Variants in CSMD1 observed in about 807,000 individuals in gnomAD.
CSMD1 encodes the protein CUB and Sushi multiple domains 1, also known as CUB and sushi domain-containing protein 1.
Under a neutral mutation model 417.5 loss-of-function variants are expected in CSMD1, and 213 were observed. The ratio of observed to expected loss-of-function variants is 0.51; its 90% confidence interval spans 0.46 to 0.57. The LOEUF (loss-of-function observed/expected upper bound fraction) is 0.57, where lower values mean the gene tolerates loss of function less well. CSMD1 is among the 20% of genes least tolerant of loss of function. CSMD1 has a pLI of 0.00. For missense variants in CSMD1, 6,923 were observed against 4,529.7 expected (o/e 1.53, Z -15.17); for synonymous variants, 2,862 against 1,736.8 (o/e 1.65, Z -16.11).
chr8:4,148,316 A>T (rs1796384896), intron 3 of CSMD1, among the ~76,000 whole-genome samples: 1 of 141,026 alleles, frequency 7.1e-6, no homozygotes, highest in African/African-American at 2.6e-5. Flanking sequence ...GGAATTGAAC[A>T]ATGAGAACAC....
chr8:3,240,842 C>T (rs1343890750), intron 26 of CSMD1, among the ~76,000 whole-genome samples: 3 of 152,036 alleles, frequency 2.0e-5, no homozygotes, highest in Non-Finnish European at 4.4e-5. Context: ...TTGTCTGGTT[C>T]TAGAACAGGT....
chr8:3,321,489 G>C (rs1379761361), intron 23 of CSMD1, among the ~76,000 whole-genome samples: 3 of 152,096 alleles, frequency 2.0e-5, no homozygotes, highest in Non-Finnish European at 4.4e-5. Flanking sequence ...AATGACAGGT[G>C]CTCTGCGTGT....
chr8:4,927,639 CTACATTGGTA>C, intron 1 of CSMD1, among the ~76,000 whole-genome samples: 1 of 152,272 alleles, frequency 6.6e-6, no homozygotes, highest in African/African-American at 2.4e-5. Flanking sequence ...GGCAGGGCAT[CTACATTGGTA>C]TAATTACTCA....
At chr8:3,728,169 G>T (rs1802607316) in intron 6 of CSMD1, among the ~76,000 whole-genome samples, 1 of 152,132 alleles carries the variant, frequency 6.6e-6, no homozygotes, top group South Asian at 2.1e-4. Context: ...GGGTGCTGTT[G>T]CCCCCATACT....
At chr8:3,044,878 C>G (rs1353268531) in intron 50 of CSMD1, among the ~76,000 whole-genome samples, 3 of 152,116 alleles carry the variant, frequency 2.0e-5, no homozygotes, top group African/African-American at 7.2e-5. Flanking sequence ...CTGTTTCATA[C>G]CATCATATCA....
intron 1 of CSMD1, among the ~76,000 whole-genome samples, chr8:4,795,308 G>C (rs559487396): frequency 9.5e-6 from 1 of 104,756 alleles, no homozygotes; most frequent in African/African-American, 3.6e-5. Flanking sequence ...GTCCTGCTCT[G>C]TCGCCTAGGC....
chr8:2,974,512 G>A lies in CSMD1; in HGVS notation c.8679C>T (p.Gly2893=). Residue 2893 remains glycine, a synonymous_variant, in exon 56 of 70, where the codon GGC becomes GGT. Transcript: ENST00000635120. ...YSCRGSESLI[G]NDTRVCQEDS... The stretch of plus-strand genomic sequence containing the variant: ...CTTCCTGGCACACTCTCGTGTCGTT[G>A]CCTATGAGGCTCTCGCTCCCTCTGC... 6.2e-7 allele frequency: 1 copy of A among 1,613,652 alleles called. No homozygotes were observed. The highest frequency in any genetic ancestry group is 8.5e-7 in the Non-Finnish European group (1 of 1,179,714).
chr8:4,435,680 G>T (rs965775198), intron 2 of CSMD1, among the ~76,000 whole-genome samples: 9 of 152,170 alleles, frequency 5.9e-5, no homozygotes, highest in African/African-American at 1.9e-4. Context: ...CACCCGAGTT[G>T]TTACTGACAA....
chr8:3,286,663 T>C lies in CSMD1; in HGVS notation c.3951-2317A>G, dbSNP rs1165872660. 1.5e-4 allele frequency among the ~76,000 whole-genome samples: 23 copies of C among 150,600 alleles called. 1 individual carries two copies. The highest frequency in any genetic ancestry group is 1.4e-3 in the Admixed American group (21 of 15,058). ...TCTGTTCATATCCTTCACCCACTTA[T>C]TGAAGGGGTTGTTTTTTTCTTGTAA... On this transcript the variant is annotated intron_variant, in intron 25 of 69. Transcript: ENST00000635120.
intron 2 of CSMD1, among the ~76,000 whole-genome samples, chr8:4,620,867 G>A (rs898829559): frequency 6.6e-6 from 1 of 151,414 alleles, no homozygotes; most frequent in Non-Finnish European, 1.5e-5. Flanking sequence ...AAAATAAATA[G>A]AAGAGTGAAA....
chr8:3,451,297 T>A (rs1240868908), intron 12 of CSMD1, among the ~76,000 whole-genome samples: 1 of 152,222 alleles, frequency 6.6e-6, no homozygotes, highest in African/African-American at 2.4e-5. Flanking sequence ...TTTCTTTTGC[T>A]GCACAGAAGC....
rs1032169217 is a variant in CSMD1 at position 4,101,070 on chromosome 8, C to T, written c.416-68971G>A. Among the ~76,000 whole-genome samples the T allele has an allele frequency of 3.3e-5, 5 of 152,122 alleles. No individual in the cohort carries two copies. The South Asian group carries it at 8.3e-4, about 25-fold the overall frequency. ...AAGGCAGATGATGCCAGAGACGAGA[C>T]GGCGCTGGGTTCAGAACTATGCATC... On this transcript the variant is annotated intron_variant, in intron 3 of 69. Transcript: ENST00000635120.
intron 5 of CSMD1, among the ~76,000 whole-genome samples, chr8:3,939,450 G>A (rs570367938): frequency 2.7e-4 from 41 of 152,194 alleles, no homozygotes; most frequent in African/African-American, 9.1e-4. Flanking sequence ...AAGACAGTAC[G>A]GAGATTCCTT....
At chr8:4,785,344 T>G (rs1797349688) in intron 1 of CSMD1, among the ~76,000 whole-genome samples, 1 of 152,150 alleles carries the variant, frequency 6.6e-6, no homozygotes, top group Non-Finnish European at 1.5e-5. Flanking sequence ...GCTCTTAGGC[T>G]GATGGTGTGG....
intron 3 of CSMD1, among the ~76,000 whole-genome samples, chr8:4,278,374 A>C (rs892849867): frequency 1.3e-5 from 2 of 152,168 alleles, no homozygotes; most frequent in Non-Finnish European, 2.9e-5. Context: ...TGAAACTATA[A>C]AATTATCAGC....
chr8:4,046,920 T>C (rs1352737742), intron 3 of CSMD1, among the ~76,000 whole-genome samples: 4 of 152,144 alleles, frequency 2.6e-5, no homozygotes, highest in Non-Finnish European at 5.9e-5. Flanking sequence ...GAGAGGCTTA[T>C]GGCCAAGAGG....
chr8:4,545,192 C>T (rs1797576487), intron 2 of CSMD1, among the ~76,000 whole-genome samples: 1 of 152,128 alleles, frequency 6.6e-6, no homozygotes, highest in Non-Finnish European at 1.5e-5. Flanking sequence ...CTATGAGAAC[C>T]TGAACAATGG....
At chr8:3,284,498 T>C (rs757619220) in intron 25 of CSMD1, 152 bp from the exon 26 acceptor site, 72 of 636,084 alleles carry the variant, frequency 1.1e-4, no homozygotes, top group Non-Finnish European at 1.8e-4. Flanking sequence ...ATGAGGAAAA[T>C]GAGGCTCACC....
chr8:4,003,718 C>A (rs746056283), intron 4 of CSMD1, among the ~76,000 whole-genome samples: 9 of 152,084 alleles, frequency 5.9e-5, no homozygotes, highest in Non-Finnish European at 1.2e-4. Flanking sequence ...GTGCTTCAGG[C>A]GATTTACCAA....
Sources: allele counts gnomAD v4.1 joint callset (sites outside exome capture counted in the v4.1 genomes callset), GRCh38; gene constraint gnomAD v4.1.1; transcripts MANE v1.5; gene names NCBI Gene and HGNC (gene_info 2026-07-23, HGNC 2026-07-21).